KLHL32: variants seen among roughly 807,000 people sequenced by gnomAD.
The protein encoded by KLHL32 is kelch like family member 32.
In KLHL32, 35 loss-of-function variants were observed where a neutral mutation model predicts 64.8. That is an observed-to-expected ratio of 0.54 (90% confidence interval 0.41 to 0.72). The LOEUF (loss-of-function observed/expected upper bound fraction) is 0.72, where lower values mean the gene tolerates loss of function less well. KLHL32 is among the 30% of genes least tolerant of loss of function. The pLI is 0.00. For missense variants in KLHL32, 589 were observed against 768.5 expected (o/e 0.77, Z 2.76); for synonymous variants, 259 against 281.0 (o/e 0.92, Z 0.78).
chr6:96,997,299 C>T (rs1041202212), intron 3 of KLHL32, among the ~76,000 whole-genome samples: 1 of 152,176 alleles, frequency 6.6e-6, no homozygotes, highest in African/African-American at 2.4e-5. Context: ...CATCTTCATT[C>T]TCCCTGTTGC....
intron 2 of KLHL32, among the ~76,000 whole-genome samples, chr6:96,969,250 G>A (rs899393728): frequency 6.6e-6 from 1 of 152,108 alleles, no homozygotes; most frequent in Admixed American, 6.6e-5. Context: ...GTTATCCTTA[G>A]TAATTGCTCT....
chr6:97,037,167 T>C (rs1235605578), intron 3 of KLHL32, among the ~76,000 whole-genome samples: 1 of 152,052 alleles, frequency 6.6e-6, no homozygotes, highest in African/African-American at 2.4e-5. Flanking sequence ...GTATTTAAAA[T>C]ATATTTTAGA....
chr6:97,028,279 A>T (rs1783027241), intron 3 of KLHL32, among the ~76,000 whole-genome samples: 1 of 152,138 alleles, frequency 6.6e-6, no homozygotes, highest in South Asian at 2.1e-4. Context: ...CCACACCTTA[A>T]GTAGGGAAGG....
At position 97,114,386 on chromosome 6, in the gene KLHL32, C is replaced by T. The variant is rs1453925187; in HGVS notation, c.1231C>T (p.Gln411Ter). ...AGTTGGGGGCAGAAATGAACTGCGC[C>T]AGGTTCTGCCTACAGTTGAGCGATA... ...YAVGGRNELR[Q>*]VLPTVERYCP... is the part of the protein sequence containing the mutation. Residue 411 changes from glutamine to a stop codon, truncating the protein, a stop_gained, in exon 7 of 11, where the codon CAG becomes TAG. Transcript: ENST00000369261. LOFTEE classifies it high-confidence loss of function. 46 of 1,614,086 alleles carry T rather than the reference C, an allele frequency of 2.8e-5. No individual in the cohort carries two copies. Among genetic ancestry groups the T allele is most frequent in the Non-Finnish European group, 3.9e-5 (46 of 1,180,046 alleles).
rs186711814 is a variant in KLHL32, at chr6:97,022,260, C to T, written c.205-19232C>T. Among the ~76,000 whole-genome samples the T allele has an allele frequency of 2.1e-4, 31 of 150,874 alleles. 1 individual carries two copies. The highest frequency in any genetic ancestry group is 3.4e-4 in the Non-Finnish European group (23 of 68,016). On this transcript the variant is annotated intron_variant, in intron 3 of 10. Coordinates refer to ENST00000369261, the MANE Select transcript of KLHL32 (RefSeq NM_052904.4). The stretch of plus-strand genomic sequence containing the variant: ...ACATCATCTGTCATCCCTCCTACAA[C>T]TCTCAACCTCCGTCCATTCCAGTCA...
intron 3 of KLHL32, among the ~76,000 whole-genome samples, chr6:97,026,304 C>T (rs975182503): frequency 6.6e-6 from 1 of 151,520 alleles, no homozygotes; most frequent in African/African-American, 2.4e-5. Flanking sequence ...CCCAGGAGTT[C>T]GAGGTTGCAG....
At chr6:96,939,016 T>C (rs1475485239) in intron 1 of KLHL32, among the ~76,000 whole-genome samples, 2 of 152,190 alleles carry the variant, frequency 1.3e-5, no homozygotes, top group African/African-American at 2.4e-5. Flanking sequence ...GTAATGTGAA[T>C]GTAGGCAGTC....
intron 3 of KLHL32, among the ~76,000 whole-genome samples, chr6:97,001,275 C>A (rs1366890391): frequency 6.6e-6 from 1 of 152,102 alleles, no homozygotes; most frequent in Non-Finnish European, 1.5e-5. Context: ...GGGGAAGGAG[C>A]TATGTGGAAC....
intron 6 of KLHL32, among the ~76,000 whole-genome samples, chr6:97,101,971 A>G (rs1795785661): frequency 6.6e-6 from 1 of 152,232 alleles, no homozygotes; most frequent in South Asian, 2.1e-4. Flanking sequence ...TTGCCATCAT[A>G]TAAATTCTGT....
At position 97,115,317 on chromosome 6, in the gene KLHL32, AAAAC is replaced by A. The variant is rs1797698728; in HGVS notation, c.1354+812_1354+815del. ...AGGCGTGAGCCACTGTGCCCAGCCTAAAACAAAGTTTGTTTGTTTTTAATTATCC... is the reference window on the plus strand; with the variant it reads ...AGGCGTGAGCCACTGTGCCCAGCCTAAAAGTTTGTTTGTTTTTAATTATCC... On this transcript the variant is annotated intron_variant, in intron 7 of 10. Transcript: ENST00000369261. Among the ~76,000 whole-genome samples the A allele has an allele frequency of 2.6e-5, 4 of 152,352 alleles. No homozygotes were observed. The South Asian group carries it at 8.3e-4, about 32-fold the overall frequency.
chr6:96,986,488 G>C (rs1024278959), intron 3 of KLHL32, among the ~76,000 whole-genome samples: 1 of 152,326 alleles, frequency 6.6e-6, no homozygotes, highest in East Asian at 1.9e-4. Context: ...TACAGAGGCA[G>C]GCAGGCCTCC....
intron 4 of KLHL32, among the ~76,000 whole-genome samples, chr6:97,047,742 C>G (rs1766521): frequency 0.17 from 26,027 of 152,056 alleles, 2,584 homozygotes; most frequent in African/African-American, 0.29. Context: ...AAGAGGTCAG[C>G]CACCCAGGAG....
intron 1 of KLHL32, among the ~76,000 whole-genome samples, chr6:96,950,677 C>T (rs1364917333): frequency 6.6e-6 from 1 of 152,152 alleles, no homozygotes; most frequent in Non-Finnish European, 1.5e-5. Context: ...CTTTGTTATT[C>T]AACCTGGCCA....
intron 3 of KLHL32, among the ~76,000 whole-genome samples, chr6:97,035,779 T>C (rs1220950590): frequency 6.6e-6 from 1 of 152,158 alleles, no homozygotes; most frequent in Non-Finnish European, 1.5e-5. Context: ...CTTTAACTTT[T>C]GAAATTTAAT....
chr6:97,102,739 T>C (rs1795887084), intron 6 of KLHL32, among the ~76,000 whole-genome samples: 1 of 152,186 alleles, frequency 6.6e-6, no homozygotes, highest in South Asian at 2.1e-4. Flanking sequence ...TCCTATGGCA[T>C]CATTGGCAAG....
chr6:97,130,795 G>T lies in KLHL32; in HGVS notation c.1452G>T (p.Arg484Ser). 1 of 1,613,888 alleles carries T rather than the reference G, an allele frequency of 6.2e-7. No homozygotes were observed. The highest frequency in any genetic ancestry group is 8.5e-7 in the Non-Finnish European group (1 of 1,179,880). Residue 484 changes from arginine to serine, a missense_variant, in exon 9 of 11, where the codon AGG (arginine) becomes AGT (serine). By Grantham distance (110) the Arg-to-Ser change is moderately radical. Coordinates refer to ENST00000369261, the MANE Select transcript of KLHL32 (RefSeq NM_052904.4). ...GCCGTAGCCCCATGCTGCAGAGAAG[G>T]GTCTACCATTCCATGGCTGCTGTAC... ...WISRSPMLQRRVYHSMAAVQR... is the reference protein window; with the variant it reads ...WISRSPMLQRSVYHSMAAVQR...
chr6:97,129,315 A>C lies in KLHL32; in HGVS notation c.1414-1442A>C, dbSNP rs2128220925. ...ATGACTTTTTTTCTGGCCGAAATCC[A>C]AATTTTTCTTGGCAAAAAGGAATCT... On this transcript the variant is annotated intron_variant, in intron 8 of 10. Coordinates refer to ENST00000369261, the MANE Select transcript of KLHL32 (RefSeq NM_052904.4). Among the ~76,000 whole-genome samples, 3 of 152,288 alleles carry C rather than the reference A, an allele frequency of 2.0e-5. No individual in the cohort carries two copies. The Middle Eastern group carries it at 0.01, about 518-fold the overall frequency.
chr6:97,065,027 G>A (rs1337939356), intron 5 of KLHL32, among the ~76,000 whole-genome samples: 1 of 152,166 alleles, frequency 6.6e-6, no homozygotes, highest in Non-Finnish European at 1.5e-5. Flanking sequence ...GCCGGGGGAG[G>A]TGTCGCTAAA....
intron 3 of KLHL32, among the ~76,000 whole-genome samples, chr6:97,034,364 G>T (rs1382884908): frequency 6.6e-6 from 1 of 151,868 alleles, no homozygotes; most frequent in African/African-American, 2.4e-5. Flanking sequence ...TCTGTTTGTT[G>T]GTCTATATAT....
Sources: allele counts gnomAD v4.1 joint callset (sites outside exome capture counted in the v4.1 genomes callset), GRCh38; gene constraint gnomAD v4.1.1; transcripts MANE v1.5; gene names NCBI Gene and HGNC (gene_info 2026-07-23, HGNC 2026-07-21).